The following PCDHGA11 variants were observed in gnomAD, a reference collection of about 807,000 sequenced individuals.
PCDHGA11 encodes the protein protocadherin gamma-A11.
Under a neutral mutation model 60.4 loss-of-function variants are expected in PCDHGA11, and 39 were observed. The ratio of observed to expected loss-of-function variants is 0.65; its 90% CI spans 0.50 to 0.84. PCDHGA11 has a LOEUF of 0.84. Ranked by LOEUF, PCDHGA11 falls within the 40% of genes least tolerant of loss-of-function variation. The pLI is 0.00. For synonymous variants in PCDHGA11, 533 were observed against 510.3 expected (o/e 1.04, Z -0.60); for missense variants, 1,165 against 1,197.7 (o/e 0.97, Z 0.40).
chr5:141,477,168 A>C lies in PCDHGA11; in HGVS notation c.2434-17639A>C, dbSNP rs763187246. 1 of 1,614,210 alleles carries C rather than the reference A, an allele frequency of 6.2e-7. No homozygotes were observed. The highest frequency in any genetic ancestry group is 8.5e-7 in the Non-Finnish European group (1 of 1,180,040). On this transcript the variant is annotated intron_variant, in intron 1 of 3. Transcript: ENST00000398587. This position sits in a 1 kb window ranked among gnomAD's most constrained non-coding sequence, Gnocchi z 4.9. ...GTGGATGTGAATGACAACGCCCCGG[A>C]GATCACAGTCACCTCCGTGTACAGC...
intron 2 of PCDHGA11, among the ~76,000 whole-genome samples, chr5:141,497,621 C>T (rs769483223): frequency 7.3e-5 from 11 of 151,482 alleles, no homozygotes; most frequent in Non-Finnish European, 1.3e-4. Flanking sequence ...CTCACTGCAA[C>T]CTCTGCCTGC....
intron 1 of PCDHGA11, among the ~76,000 whole-genome samples, chr5:141,438,396 A>T (rs1026490705): frequency 6.6e-6 from 1 of 150,930 alleles, no homozygotes. Context: ...TTCATCATTA[A>T]CTCTCTGAAG....
rs1192987646 is a variant in PCDHGA11, at chr5:141,423,758, G to A, written c.2433+98G>A. Reference sequence around the variant, plus strand: ...CTGTTATGAAAACTGTTTGGGGGGGGGGTGGGGCGGCATATATTTAGTTCA... The same window carrying A: ...CTGTTATGAAAACTGTTTGGGGGGGAGGTGGGGCGGCATATATTTAGTTCA... On this transcript the variant is annotated intron_variant, in intron 1 of 3. Coordinates refer to ENST00000398587, the MANE Select transcript of PCDHGA11 (RefSeq NM_018914.3). 8.2e-5 allele frequency: 30 copies of A among 366,770 alleles called. 3 individuals are homozygous for A. Among genetic ancestry groups the A allele is most frequent in the Non-Finnish European group, 1.1e-4 (29 of 259,742 alleles). The allele number at this position is 366,770 out of a possible 1,614,324, so 22.7% of individuals were successfully genotyped here.
chr5:141,484,000 G>C (rs1425172275), intron 1 of PCDHGA11, among the ~76,000 whole-genome samples: 1 of 147,812 alleles, frequency 6.8e-6, no homozygotes, highest in Admixed American at 6.8e-5. Context: ...TGGGAGGTCT[G>C]GATGAGGGTG....
At chr5:141,495,719 C>T (rs929450759) in intron 2 of PCDHGA11, among the ~76,000 whole-genome samples, 12 of 152,150 alleles carry the variant, frequency 7.9e-5, no homozygotes, top group African/African-American at 2.4e-5. Context: ...AGTAACTACA[C>T]GGGACCCTTA....
chr5:141,444,044 T>C (rs188266846), intron 1 of PCDHGA11, among the ~76,000 whole-genome samples: 1 of 152,098 alleles, frequency 6.6e-6, no homozygotes, highest in East Asian at 1.9e-4. Flanking sequence ...ATCAGATAAT[T>C]TGGCATCTTC....
At chr5:141,450,790 A>G (rs2098694056) in intron 1 of PCDHGA11, among the ~76,000 whole-genome samples, 1 of 148,832 alleles carries the variant, frequency 6.7e-6, no homozygotes, top group Admixed American at 6.7e-5. Context: ...CCCGGACCTC[A>G]TGATTGTATT....
intron 1 of PCDHGA11, among the ~76,000 whole-genome samples, chr5:141,435,357 T>C (rs749223776): frequency 6.6e-6 from 1 of 152,208 alleles, no homozygotes; most frequent in Non-Finnish European, 1.5e-5. Flanking sequence ...CATTTAAAAT[T>C]TTATCACTTA....
chr5:141,509,207 A>C (rs1263006059), intron 3 of PCDHGA11, among the ~76,000 whole-genome samples: 2 of 151,694 alleles, frequency 1.3e-5, no homozygotes, highest in Non-Finnish European at 2.9e-5. Context: ...CTGTCTCTCT[A>C]TTTCTCAATC....
chr5:141,488,054 A>G (rs1255295788), intron 1 of PCDHGA11, among the ~76,000 whole-genome samples: 1 of 152,206 alleles, frequency 6.6e-6, no homozygotes, highest in Admixed American at 6.5e-5. Flanking sequence ...TTGAGGGGAA[A>G]TAAAATCTTT....
intron 1 of PCDHGA11, among the ~76,000 whole-genome samples, chr5:141,494,113 C>G (rs2099751999): frequency 6.6e-6 from 1 of 152,214 alleles, no homozygotes; most frequent in Non-Finnish European, 1.5e-5. Flanking sequence ...TCAGACAGAG[C>G]AGCCTTGTTC....
In PCDHGA11 at chr5:141,431,141, G is replaced by A. The variant is rs1262504427; in HGVS notation, c.2433+7481G>A. 24 of 1,614,212 alleles carry A rather than the reference G, an allele frequency of 1.5e-5. No individual in the cohort carries two copies. The highest frequency in any genetic ancestry group is 2.0e-5 in the Non-Finnish European group (24 of 1,180,030). On this transcript the variant is annotated intron_variant, in intron 1 of 3. Coordinates refer to ENST00000398587, the MANE Select transcript of PCDHGA11 (RefSeq NM_018914.3). The surrounding 1 kb of genome is among the most constrained non-coding windows in gnomAD (Gnocchi z 4.8). ...AGAAGTAGAAGTAAGGGACATTAAC[G>A]ACAATGCGCCTTACTTTCGTGAAAG...
At position 141,476,321 on chromosome 5, in the gene PCDHGA11, G is replaced by A; in HGVS notation, c.2434-18486G>A. 1 of 1,614,196 alleles carries A rather than the reference G, an allele frequency of 6.2e-7. No homozygotes were observed. The highest frequency in any genetic ancestry group is 1.3e-5 in the African/African-American group (1 of 75,054). ...CCTCTCAGCCCGCAGGTTCCGGGTG[G>A]TGTCTGGAGCTAGCCGAAGATTCTT... On this transcript the variant is annotated intron_variant, in intron 1 of 3. Coordinates refer to ENST00000398587, the MANE Select transcript of PCDHGA11 (RefSeq NM_018914.3). The surrounding 1 kb of genome is among the most constrained non-coding windows in gnomAD (Gnocchi z 7.6).
In PCDHGA11 at chr5:141,493,233, G is replaced by T. The variant is rs1335823475; in HGVS notation, c.2434-1574G>T. ...TTTGCTCTTCCCACCATTGCTGTTG[G>T]CTAGGTACTAACATGCCTCTCTTAT... is the stretch of plus-strand genomic sequence containing the variant. On this transcript the variant is annotated intron_variant, in intron 1 of 3. Coordinates refer to ENST00000398587, the MANE Select transcript of PCDHGA11 (RefSeq NM_018914.3). This position sits in a 1 kb window ranked among gnomAD's most constrained non-coding sequence, Gnocchi z 4.3. 6.6e-6 allele frequency among the ~76,000 whole-genome samples: 1 copy of T among 152,172 alleles called. No homozygotes were observed. The highest frequency in any genetic ancestry group is 2.1e-4 in the South Asian group (1 of 4,828).
intron 2 of PCDHGA11, among the ~76,000 whole-genome samples, chr5:141,501,771 G>A (rs957546749): frequency 7.2e-5 from 11 of 152,118 alleles, no homozygotes; most frequent in African/African-American, 2.7e-4. Context: ...GGTTAAAAAA[G>A]AGGTCTCTCT....
In PCDHGA11 at chr5:141,432,973, G is replaced by T. The variant is rs150572360; in HGVS notation, c.2433+9313G>T. The T allele has an allele frequency of 3.7e-6, 6 of 1,614,096 alleles. 1 individual carries two copies. The highest frequency in any genetic ancestry group is 1.7e-5 in the Admixed American group (1 of 60,014). Reference sequence around the variant, plus strand: ...GCGGCTTGACAGGAGCGCCGGCGTCGCACTTTGTGGGCGTGGACGGGGTGC... The same window carrying T: ...GCGGCTTGACAGGAGCGCCGGCGTCTCACTTTGTGGGCGTGGACGGGGTGC... On this transcript the variant is annotated intron_variant, in intron 1 of 3. Coordinates refer to ENST00000398587, the MANE Select transcript of PCDHGA11 (RefSeq NM_018914.3). This position sits in a 1 kb window ranked among gnomAD's most constrained non-coding sequence, Gnocchi z 6.0.
chr5:141,506,380 T>C (rs1209879935), intron 3 of PCDHGA11, among the ~76,000 whole-genome samples: 1 of 141,314 alleles, frequency 7.1e-6, no homozygotes, highest in Non-Finnish European at 1.5e-5. Flanking sequence ...ACCTGGGAGG[T>C]GGCTGTGGTG....
chr5:141,481,622 G>A (rs957374253), intron 1 of PCDHGA11, among the ~76,000 whole-genome samples: 6 of 151,854 alleles, frequency 4.0e-5, no homozygotes, highest in African/African-American at 1.2e-4. Flanking sequence ...GTTCAAGACC[G>A]GCCTGGCCAA....
At chr5:141,459,319 T>G (rs1270005431) in intron 1 of PCDHGA11, among the ~76,000 whole-genome samples, 1 of 152,216 alleles carries the variant, frequency 6.6e-6, no homozygotes, top group Non-Finnish European at 1.5e-5. Context: ...TTTGTATCCA[T>G]CTTCTTTTAC....
Sources: allele counts gnomAD v4.1 joint callset (sites outside exome capture counted in the v4.1 genomes callset), GRCh38; gene constraint gnomAD v4.1.1; non-coding constraint Gnocchi (gnomAD v3.1); transcripts MANE v1.5; gene names NCBI Gene and HGNC (gene_info 2026-07-23, HGNC 2026-07-21).